CDH18: variants seen among roughly 807,000 people sequenced by gnomAD.
CDH18 encodes the protein cadherin 18, also known as cadherin-18.
Under a neutral mutation model 67.9 loss-of-function variants are expected in CDH18, and 31 were observed. That is an observed-to-expected ratio of 0.46 (90% CI 0.34 to 0.62). The LOEUF is 0.62. CDH18 is among the 20% of genes least tolerant of loss of function. The probability of loss-of-function intolerance (pLI) is 0.01; values close to 1 mark genes in which losing one functional copy is unlikely to be tolerated. For synonymous variants in CDH18, 362 were observed against 347.2 expected, an observed-to-expected ratio of 1.04 and a Z score of -0.48; for missense variants, 890 against 975.5, an observed-to-expected ratio of 0.91 and a Z score of 1.17.
intron 2 of CDH18, among the ~76,000 whole-genome samples, chr5:19,895,468 AC>A (rs2150095600): frequency 6.6e-6 from 1 of 152,146 alleles, no homozygotes; most frequent in Non-Finnish European, 1.5e-5. Flanking sequence ...CAAGTTCTAA[AC>A]CTCCCAGCAG....
In CDH18 at chr5:19,902,589, C is replaced by G. The variant is rs145068643; in HGVS notation, c.-256-63347G>C. On this transcript the variant is annotated intron_variant, in intron 2 of 12. Transcript: ENST00000382275. ...TCTAGATAAGGACAAGCAACTCCAG[C>G]CAACGGCAATCTTGTGCGAGATTTC... Among the ~76,000 whole-genome samples, 189 of 152,298 alleles carry G rather than the reference C, an allele frequency of 1.2e-3. 1 individual carries two copies. The highest frequency in any genetic ancestry group is 4.3e-3 in the African/African-American group (180 of 41,562).
intron 2 of CDH18, among the ~76,000 whole-genome samples, chr5:20,227,524 ATTGACTATTCTGTTAAACT>A (rs1295892701): frequency 2.0e-5 from 3 of 152,158 alleles, no homozygotes; most frequent in African/African-American, 7.2e-5. Flanking sequence ...CCTCTCTAAA[ATTGACTATTCTGTTAAACT>A]TTGAGTCCTT....
intron 1 of CDH18, among the ~76,000 whole-genome samples, chr5:20,460,087 T>C (rs373679099): frequency 1.2e-4 from 19 of 152,060 alleles, no homozygotes; most frequent in Non-Finnish European, 2.2e-4. Context: ...AAGATTGGCA[T>C]GTAGGCTAGA....
At chr5:19,833,041 T>C (rs1167044374) in intron 3 of CDH18, among the ~76,000 whole-genome samples, 1 of 152,054 alleles carries the variant, frequency 6.6e-6, no homozygotes, top group African/African-American at 2.4e-5. Context: ...TTTAAAATAG[T>C]TTTTTTCTAA....
At chr5:19,492,007 CA>C (rs1378571737) in intron 11 of CDH18, among the ~76,000 whole-genome samples, 1 of 151,028 alleles carries the variant, frequency 6.6e-6, no homozygotes, top group Non-Finnish European at 1.5e-5. Flanking sequence ...AAAACACATA[CA>C]AAAAAAGAGA....
At chr5:19,508,242 C>T (rs1359158266) in intron 10 of CDH18, among the ~76,000 whole-genome samples, 1 of 151,932 alleles carries the variant, frequency 6.6e-6, no homozygotes, top group African/African-American at 2.4e-5. Flanking sequence ...AGAAAATATA[C>T]CTGGGAACTT....
At chr5:20,285,442 A>C (rs1253846387) in intron 1 of CDH18, among the ~76,000 whole-genome samples, 1 of 148,068 alleles carries the variant, frequency 6.8e-6, no homozygotes, top group Admixed American at 6.8e-5. Context: ...ATATAATATA[A>C]TAATAAGGCC....
intron 2 of CDH18, among the ~76,000 whole-genome samples, chr5:19,946,286 AAC>A (rs937338292): frequency 6.6e-6 from 1 of 152,152 alleles, no homozygotes; most frequent in Non-Finnish European, 1.5e-5. Context: ...AGGGGAAATA[AAC>A]ACATCCTCAG....
At chr5:19,725,208 G>C (rs960635986) in intron 4 of CDH18, among the ~76,000 whole-genome samples, 22 of 151,992 alleles carry the variant, frequency 1.4e-4, no homozygotes, top group African/African-American at 5.1e-4. Context: ...TTACAGGCGT[G>C]AGCCACCGCA....
At chr5:20,511,420 C>T (rs928147818) in intron 1 of CDH18, among the ~76,000 whole-genome samples, 2 of 151,824 alleles carry the variant, frequency 1.3e-5, no homozygotes, top group African/African-American at 4.8e-5. Flanking sequence ...ATAAACTGTC[C>T]CAGAGAAGCC....
intron 3 of CDH18, among the ~76,000 whole-genome samples, chr5:19,811,809 C>T (rs1250032103): frequency 6.6e-6 from 1 of 151,916 alleles, no homozygotes; most frequent in Non-Finnish European, 1.5e-5. Flanking sequence ...AAAAATTCAT[C>T]CTAGAATCCT....
chr5:19,986,250 A>C (rs537557039), intron 1 of CDH18, among the ~76,000 whole-genome samples: 1 of 152,334 alleles, frequency 6.6e-6, no homozygotes, highest in African/African-American at 2.4e-5. Flanking sequence ...ACTTCATTCT[A>C]GCACCGGGTG....
intron 7 of CDH18, among the ~76,000 whole-genome samples, chr5:19,588,477 T>C (rs531620218): frequency 2.2e-4 from 34 of 152,142 alleles, no homozygotes; most frequent in Middle Eastern, 6.8e-3. Context: ...AGTGACTCTA[T>C]GAAGCAACCA....
intron 11 of CDH18, among the ~76,000 whole-genome samples, chr5:19,500,390 G>A (rs1743043746): frequency 6.6e-6 from 1 of 151,974 alleles, no homozygotes; most frequent in East Asian, 1.9e-4. Context: ...TCTACCAAGG[G>A]TACTAAGCCA....
intron 2 of CDH18, among the ~76,000 whole-genome samples, chr5:20,027,116 A>G (rs1722087986): frequency 6.6e-6 from 1 of 152,130 alleles, no homozygotes; most frequent in Non-Finnish European, 1.5e-5. Flanking sequence ...TTATAAATAA[A>G]TGGCTGTGTA....
At chr5:19,550,489 A>C (rs1370596961) in intron 8 of CDH18, among the ~76,000 whole-genome samples, 1 of 149,590 alleles carries the variant, frequency 6.7e-6, no homozygotes, top group Non-Finnish European at 1.5e-5. Context: ...GTTCAATTCC[A>C]ACCTATGAGT....
rs1267654052 is a variant in CDH18 at position 19,657,512 on chromosome 5, A to G, written c.644-44911T>C. On this transcript the variant is annotated intron_variant, in intron 5 of 12. Coordinates refer to ENST00000382275, the MANE Select transcript of CDH18 (RefSeq NM_004934.5). ...ATTTGAAATACAGTTTGAAATTTAT[A>G]GAAATATTTATCAATTTGTTTTTAA... Among the ~76,000 whole-genome samples the G allele has an allele frequency of 2.0e-5, 3 of 152,268 alleles. No homozygotes were observed. In the East Asian group the frequency reaches 5.8e-4, roughly 29 times the overall value.
At chr5:19,755,797 G>A (rs1247802372) in intron 3 of CDH18, among the ~76,000 whole-genome samples, 1 of 151,752 alleles carries the variant, frequency 6.6e-6, no homozygotes, top group African/African-American at 2.4e-5. Flanking sequence ...GAAAGATGTC[G>A]ACTGGGAGAC....
chr5:20,276,438 C>G (rs1745818343), intron 1 of CDH18, among the ~76,000 whole-genome samples: 1 of 152,168 alleles, frequency 6.6e-6, no homozygotes, highest in Admixed American at 6.5e-5. Context: ...CACAATGGGC[C>G]AGAAGGGAAC....
Sources: allele counts gnomAD v4.1 joint callset (sites outside exome capture counted in the v4.1 genomes callset), GRCh38; gene constraint gnomAD v4.1.1; transcripts MANE v1.5; gene names NCBI Gene and HGNC (gene_info 2026-07-23, HGNC 2026-07-21).